The following DOCK2 variants were observed in gnomAD, a reference collection of about 807,000 sequenced individuals.
The protein encoded by DOCK2 is dedicator of cytokinesis 2.
DOCK2 carries 87 observed loss-of-function variants against 248.9 expected under a neutral mutation model. The ratio of observed to expected loss-of-function variants is 0.35; its 90% CI spans 0.29 to 0.42. The LOEUF (loss-of-function observed/expected upper bound fraction) is 0.42. Among genes scored for constraint, DOCK2 ranks in the 10% least tolerant of loss-of-function variants. DOCK2 has a pLI of 1.00. For missense variants in DOCK2, 1,747 were observed against 2,300.2 expected (o/e 0.76, Z 4.92); for synonymous variants, 805 against 821.6 (o/e 0.98, Z 0.35).
At chr5:169,867,795 G>A (rs1257886290) in intron 27 of DOCK2, among the ~76,000 whole-genome samples, 1 of 152,162 alleles carries the variant, frequency 6.6e-6, no homozygotes, top group Non-Finnish European at 1.5e-5. Context: ...GGGGTGTGGT[G>A]GAGTGGGTTT....
intron 44 of DOCK2, among the ~76,000 whole-genome samples, chr5:170,065,017 A>T (rs138626193): frequency 1.3e-5 from 2 of 152,272 alleles, no homozygotes; most frequent in East Asian, 3.9e-4. Flanking sequence ...TAGTATAAAG[A>T]TTTAAAGGCA....
intron 26 of DOCK2, among the ~76,000 whole-genome samples, chr5:169,824,006 G>A (rs906935362): frequency 1.3e-5 from 2 of 152,188 alleles, no homozygotes; most frequent in Admixed American, 1.3e-4. Context: ...AATCATGAGT[G>A]AATTCTCTTT....
intron 27 of DOCK2, among the ~76,000 whole-genome samples, chr5:169,863,205 CTA>C (rs1336965887): frequency 1.3e-5 from 2 of 152,166 alleles, no homozygotes; most frequent in African/African-American, 2.4e-5. Flanking sequence ...ATAGAAAAAA[CTA>C]TATCCTCATC....
At chr5:169,969,543 G>A (rs1251315509) in intron 27 of DOCK2, among the ~76,000 whole-genome samples, 1 of 152,256 alleles carries the variant, frequency 6.6e-6, no homozygotes, top group Non-Finnish European at 1.5e-5. Flanking sequence ...GAGAAGTTGA[G>A]AGCAGGTGGT....
rs79426487 is a variant in DOCK2 at position 169,713,964 on chromosome 5, C to G, written c.1660-64C>G. ...TTCACAGTGTCTAATTTGTCTGCTG[C>G]AGGCTCTGTGTGGCATTGGGCATGG... On this transcript the variant is annotated intron_variant, in intron 17 of 51. Coordinates refer to ENST00000520908, the MANE Select transcript of DOCK2 (RefSeq NM_004946.3). The G allele has an allele frequency of 1.2e-3, 1,797 of 1,492,628 alleles. 18 individuals carry two copies. The African/African-American group carries it at 0.022, about 19-fold the overall frequency. 92.5% of individuals were successfully genotyped at this position (1,492,628 alleles called of 1,614,324 possible).
At chr5:170,036,622 C>A in intron 36 of DOCK2, 67 bp downstream of exon 36, 1 of 1,472,184 alleles carries the variant, frequency 6.8e-7, no homozygotes, top group South Asian at 1.2e-5. Context: ...CCATCGATGG[C>A]TCCCTGCTGC....
intron 25 of DOCK2, among the ~76,000 whole-genome samples, chr5:169,793,578 C>T (rs1304111820): frequency 6.6e-6 from 1 of 152,112 alleles, no homozygotes; most frequent in Non-Finnish European, 1.5e-5. Context: ...AAGTACAAGA[C>T]CCCTTCTTTA....
In DOCK2 at chr5:170,083,097, G is replaced by T. The variant is rs1470728034; in HGVS notation, c.*239G>T. 2 of 520,296 alleles carry T rather than the reference G, an allele frequency of 3.8e-6. No homozygotes were observed. The highest frequency in any genetic ancestry group is 3.2e-5 in the East Asian group (1 of 31,580). The allele number at this position is 520,296 out of a possible 1,614,324, so 32.2% of individuals were successfully genotyped here. On this transcript the variant is annotated 3_prime_UTR_variant, in exon 52 of 52. Coordinates refer to ENST00000520908, the MANE Select transcript of DOCK2 (RefSeq NM_004946.3). ...CTCAACGTAGATTCCTGAACTCAAG[G>T]TACCAGCAAGAATGCCTTCTCCCAG...
chr5:169,919,031 T>C (rs1775031328), intron 27 of DOCK2, among the ~76,000 whole-genome samples: 1 of 152,236 alleles, frequency 6.6e-6, no homozygotes, highest in Admixed American at 6.5e-5. Context: ...AGTGATGGGT[T>C]TGGATTCAAT....
intron 30 of DOCK2, among the ~76,000 whole-genome samples, chr5:169,998,766 G>A (rs899273979): frequency 1.3e-5 from 2 of 152,156 alleles, no homozygotes; most frequent in African/African-American, 2.4e-5. Flanking sequence ...CCTTGCAGTG[G>A]GTTGACTGCC....
chr5:170,029,586 A>C (rs1756052293), intron 34 of DOCK2, among the ~76,000 whole-genome samples: 1 of 152,204 alleles, frequency 6.6e-6, no homozygotes, highest in African/African-American at 2.4e-5. Context: ...CTTCATAAAT[A>C]TTCTTCCATC....
chr5:169,941,219 AT>A (rs1221866311), intron 27 of DOCK2, among the ~76,000 whole-genome samples: 1 of 152,038 alleles, frequency 6.6e-6, no homozygotes, highest in Non-Finnish European at 1.5e-5. Context: ...TGTTATTATT[AT>A]TTTTTGATGT....
intron 27 of DOCK2, chr5:169,875,510 C>G: frequency 3.1e-6 from 1 of 321,194 alleles, no homozygotes; most frequent in Non-Finnish European, 6.2e-6. Flanking sequence ...TGGAATCTGG[C>G]TTGTTGGAAG....
At chr5:169,883,262 A>T in intron 27 of DOCK2, 1 of 1,551,550 alleles carries the variant, frequency 6.4e-7, no homozygotes, top group Admixed American at 2.0e-5. Flanking sequence ...GCTTCCCAGG[A>T]AGGACTGTGA....
At chr5:170,066,633 A>G (rs917447651) in intron 44 of DOCK2, among the ~76,000 whole-genome samples, 1 of 152,210 alleles carries the variant, frequency 6.6e-6, no homozygotes, top group African/African-American at 2.4e-5. Flanking sequence ...TTCAGTATAG[A>G]TCGTGTGTTA....
chr5:170,011,891 A>G (rs992357048), intron 32 of DOCK2, among the ~76,000 whole-genome samples: 1 of 152,206 alleles, frequency 6.6e-6, no homozygotes, highest in Non-Finnish European at 1.5e-5. Context: ...CAAAACTTAC[A>G]TTCTGAGAAT....
intron 12 of DOCK2, 56 bp from the exon 13 acceptor site, chr5:169,699,958 C>T (rs1254230865): frequency 3.4e-5 from 55 of 1,603,652 alleles, no homozygotes; most frequent in Non-Finnish European, 4.2e-5. Flanking sequence ...GCGGGAGGGC[C>T]GACTGAGGGG....
chr5:169,801,761 C>T (rs2113125097), intron 25 of DOCK2, among the ~76,000 whole-genome samples: 1 of 152,036 alleles, frequency 6.6e-6, no homozygotes, highest in Non-Finnish European at 1.5e-5. Flanking sequence ...TGTCCTCTAC[C>T]TCTTCTGACC....
rs1757595646 is a variant in DOCK2 at position 170,069,175 on chromosome 5, G to C, written c.4683G>C (p.Glu1561Asp). ...FTEEYVRDHP[E>D]DQDKLTHLKD... Reference sequence around the variant, plus strand: ...AAGAGTATGTCAGGGACCACCCTGAGGACCAGGACAAGCTGACCCACCTCA... The same window carrying C: ...AAGAGTATGTCAGGGACCACCCTGACGACCAGGACAAGCTGACCCACCTCA... Residue 1561 changes from glutamate (E) to aspartate (D), a missense_variant, in exon 46 of 52, where the codon GAG (glutamate) becomes GAC (aspartate). Physicochemically the swap from Glu to Asp is conservative, Grantham distance 45 (BLOSUM62 2). This residue lies in a region of DOCK2 where 513 missense variants were observed against 586.1 expected (regional missense o/e 0.88). Coordinates refer to ENST00000520908, the MANE Select transcript of DOCK2 (RefSeq NM_004946.3). 6.2e-7 allele frequency: 1 copy of C among 1,613,968 alleles called. No homozygotes were observed. The highest frequency in any genetic ancestry group is 8.5e-7 in the Non-Finnish European group (1 of 1,179,998).
Sources: allele counts gnomAD v4.1 joint callset (sites outside exome capture counted in the v4.1 genomes callset), GRCh38; gene constraint gnomAD v4.1.1; regional missense constraint gnomAD v4.1.1; transcripts MANE v1.5; gene names NCBI Gene and HGNC (gene_info 2026-07-23, HGNC 2026-07-21).